Variants in VMP1 observed in about 807,000 individuals in gnomAD.
The protein encoded by VMP1 is vacuole membrane protein 1.
Under a neutral mutation model 56.0 loss-of-function variants are expected in VMP1, and 11 were observed. The ratio of observed to expected loss-of-function variants is 0.20; its 90% CI spans 0.12 to 0.32. VMP1 has a LOEUF of 0.32. Among genes scored for constraint, VMP1 ranks in the 10% least tolerant of loss-of-function variants. The probability of loss-of-function intolerance (pLI) is 1.00; values close to 1 mark genes in which losing one functional copy is unlikely to be tolerated. For synonymous variants in VMP1, 149 were observed against 165.0 expected, an observed-to-expected ratio of 0.90 and a Z score of 0.74; for missense variants, 296 against 490.3, an observed-to-expected ratio of 0.60 and a Z score of 3.74.
chr17:59,734,888 T>C (rs1473056476), intron 2 of VMP1, among the ~76,000 whole-genome samples: 1 of 149,148 alleles, frequency 6.7e-6, no homozygotes, highest in Admixed American at 6.8e-5. Context: ...CTATGCTGAG[T>C]TGGGACTGGT....
chr17:59,768,797 A>G (rs2036324387), intron 6 of VMP1, among the ~76,000 whole-genome samples: 2 of 151,716 alleles, frequency 1.3e-5, no homozygotes, highest in Admixed American at 1.3e-4. Context: ...CCTGGCCAAG[A>G]TAGTGAAATG....
intron 1 of VMP1, among the ~76,000 whole-genome samples, chr17:59,714,331 TCCATTAAC>T (rs1288072792): frequency 3.3e-5 from 5 of 152,010 alleles, no homozygotes; most frequent in Admixed American, 3.3e-4. Context: ...AACCCATTAA[TCCATTAAC>T]CCATTAATTT....
chr17:59,776,526 C>G (rs1249643982), intron 7 of VMP1, among the ~76,000 whole-genome samples: 1 of 152,102 alleles, frequency 6.6e-6, no homozygotes, highest in East Asian at 1.9e-4. Context: ...CTTGTGTTAA[C>G]TCTGAGGGAG....
At chr17:59,738,710 G>A (rs948838153) in intron 4 of VMP1, 127 bp from the exon 5 acceptor site, 2 of 678,542 alleles carry the variant, frequency 2.9e-6, no homozygotes. Context: ...TCTTCAATGG[G>A]TTTTTAATCT....
At chr17:59,833,659 C>CTA (rs910045195) in intron 10 of VMP1, among the ~76,000 whole-genome samples, 3 of 152,196 alleles carry the variant, frequency 2.0e-5, no homozygotes, top group African/African-American at 7.2e-5. Context: ...TGTGAATACA[C>CTA]ATCATATGAT....
chr17:59,772,221 G>A (rs959429092), intron 6 of VMP1, among the ~76,000 whole-genome samples: 18 of 151,442 alleles, frequency 1.2e-4, no homozygotes, highest in Admixed American at 1.2e-3. Flanking sequence ...AAACTCCTGA[G>A]CTCAGGCAGT....
intron 1 of VMP1, among the ~76,000 whole-genome samples, chr17:59,727,339 T>C (rs2034647368): frequency 6.6e-6 from 1 of 152,040 alleles, no homozygotes; most frequent in African/African-American, 2.4e-5. Flanking sequence ...TTTCACCGTG[T>C]CAGCCAGGGT....
At chr17:59,826,241 G>T (rs2038642719) in intron 10 of VMP1, among the ~76,000 whole-genome samples, 1 of 152,126 alleles carries the variant, frequency 6.6e-6, no homozygotes, top group African/African-American at 2.4e-5. Flanking sequence ...GTTTGTTATG[G>T]ATATTGGGAG....
chr17:59,720,452 C>T (rs995179393), intron 1 of VMP1, among the ~76,000 whole-genome samples: 1 of 152,040 alleles, frequency 6.6e-6, no homozygotes, highest in Non-Finnish European at 1.5e-5. Context: ...GTTATGTAGG[C>T]TATGGAAACC....
intron 5 of VMP1, among the ~76,000 whole-genome samples, chr17:59,750,898 G>C (rs2035614620): frequency 6.6e-6 from 1 of 150,878 alleles, no homozygotes; most frequent in African/African-American, 2.4e-5. Context: ...GAAGCTTCTG[G>C]GGCTGGCAGA....
intron 10 of VMP1, among the ~76,000 whole-genome samples, chr17:59,826,027 G>A (rs939180348): frequency 2.0e-5 from 3 of 152,206 alleles, no homozygotes; most frequent in Non-Finnish European, 4.4e-5. Context: ...ATCAGAAAAA[G>A]TTATGGAAGT....
At chr17:59,798,233 T>C (rs1403921815) in intron 7 of VMP1, among the ~76,000 whole-genome samples, 1 of 152,234 alleles carries the variant, frequency 6.6e-6, no homozygotes, top group African/African-American at 2.4e-5. Context: ...TTAATCCTGA[T>C]CTTGACCCAG....
chr17:59,719,226 A>G (rs908469725), intron 1 of VMP1, among the ~76,000 whole-genome samples: 4 of 152,176 alleles, frequency 2.6e-5, no homozygotes, highest in Non-Finnish European at 5.9e-5. Context: ...GGTTGAGGCC[A>G]GAGCATCGCT....
In VMP1 at chr17:59,840,889, A is replaced by AG. The variant is rs1226243789; in HGVS notation, c.*978_*979insG. The AG allele has an allele frequency of 1.3e-5, 2 of 154,608 alleles. No individual in the cohort carries two copies. The highest frequency in any genetic ancestry group is 4.8e-5 in the African/African-American group (2 of 41,458). 9.6% of individuals were successfully genotyped at this position (154,608 alleles called of 1,614,324 possible). On this transcript the variant is annotated 3_prime_UTR_variant, in exon 12 of 12. Transcript: ENST00000262291. ...AGAAATTACCCATTTCTAAAAAAAA[A>AG]CCACACTCTGTCGTATCTGTGTTAA...
chr17:59,740,270 A>C (rs781732120), intron 5 of VMP1, among the ~76,000 whole-genome samples: 9 of 152,132 alleles, frequency 5.9e-5, no homozygotes, highest in Non-Finnish European at 1.5e-5. Flanking sequence ...GTGCCTCATT[A>C]AATTTTGTGC....
chr17:59,836,722 T>TG (rs1451854953), intron 10 of VMP1, among the ~76,000 whole-genome samples: 3 of 151,362 alleles, frequency 2.0e-5, no homozygotes, highest in Middle Eastern at 3.2e-3. Flanking sequence ...CAGTTTGGTT[T>TG]TTTTTTTTTT....
intron 1 of VMP1, among the ~76,000 whole-genome samples, chr17:59,717,132 A>G (rs1344444857): frequency 6.6e-6 from 1 of 151,762 alleles, no homozygotes; most frequent in Admixed American, 6.6e-5. Context: ...GGCGCCCACC[A>G]CCACGCCCGG....
chr17:59,735,211 C>T (rs1292202993), intron 2 of VMP1, 127 bp from the exon 3 acceptor site: 1 of 1,290,898 alleles, frequency 7.7e-7, no homozygotes, highest in Admixed American at 2.8e-5. Flanking sequence ...TGCCATTTTT[C>T]ACAAGACTCT....
chr17:59,817,593 A>C (rs2038288951), intron 9 of VMP1, 119 bp from the exon 10 acceptor site: 1 of 620,292 alleles, frequency 1.6e-6, no homozygotes, highest in African/African-American at 1.9e-5. Flanking sequence ...TTTTTAAAGA[A>C]ATTTAAAAAT....
Sources: gnomAD v4.1 joint callset for allele counts (sites outside exome capture counted in the v4.1 genomes callset) on GRCh38, gnomAD v4.1.1 for gene constraint, MANE v1.5 for transcripts, NCBI Gene and HGNC (gene_info 2026-07-23, HGNC 2026-07-21) for gene names.